Variants in NUP98 observed in about 807,000 individuals in gnomAD.
NUP98 encodes the protein nucleoporin 98 and 96 precursor.
In NUP98, 26 loss-of-function variants were observed where a neutral mutation model predicts 191.9. The observed-to-expected ratio is 0.14, with a 90% confidence interval of 0.10 to 0.19. The LOEUF (loss-of-function observed/expected upper bound fraction) is 0.19. NUP98 is among the 10% of genes least tolerant of loss of function. The pLI, the probability that NUP98 is intolerant of heterozygous loss-of-function variation, is 1.00. For missense variants in NUP98, 1,941 were observed against 2,178.8 expected (o/e 0.89, Z 2.17); for synonymous variants, 808 against 778.4 (o/e 1.04, Z -0.63).
At chr11:3,703,269 TGCAGTG>T (rs2078765668) in intron 22 of NUP98, among the ~76,000 whole-genome samples, 1 of 149,442 alleles carries the variant, frequency 6.7e-6, no homozygotes, top group African/African-American at 2.5e-5. Context: ...CAGGCTAGAG[TGCAGTG>T]GCATGATCTT....
At position 3,705,313 on chromosome 11, in the gene NUP98, A is replaced by G. The variant is rs777671445; in HGVS notation, c.2969T>C (p.Met990Thr). The change falls in exon 22 of 33, where the codon ATG (methionine) becomes ACG (threonine). Residue 990 changes from methionine to threonine, a missense_variant. Around this residue, in one of 6 missense-constraint regions of NUP98, gnomAD observed 1,030 missense variants for 1,115.8 expected, o/e 0.92. Coordinates refer to ENST00000324932, the MANE Select transcript of NUP98 (RefSeq NM_016320.5). ...GCGACTGAAGCGTTGATCCAGTGCC[A>G]TATCTACATCTTCTTCATCAGTAAG... ...SLLTDEEDVD[M>T]ALDQRFSRLP... The G allele has an allele frequency of 3.7e-6, 6 of 1,614,230 alleles. No homozygotes were observed. Among genetic ancestry groups the G allele is most frequent in the South Asian group, 1.1e-5 (1 of 91,084 alleles).
At chr11:3,767,996 G>T (rs2081395609) in intron 8 of NUP98, among the ~76,000 whole-genome samples, 1 of 152,048 alleles carries the variant, frequency 6.6e-6, no homozygotes, top group South Asian at 2.1e-4. Context: ...AGAGGGCCAA[G>T]TCCAGCCCAC....
At chr11:3,691,306 A>G (rs1271455514) in intron 28 of NUP98, 41 bp downstream of exon 28, 2 of 1,613,012 alleles carry the variant, frequency 1.2e-6, no homozygotes, top group Non-Finnish European at 1.7e-6. Context: ...CCTGGGGCTC[A>G]TGGAGCACTC....
At chr11:3,773,998 G>A (rs1416452853) in intron 5 of NUP98, among the ~76,000 whole-genome samples, 1 of 152,014 alleles carries the variant, frequency 6.6e-6, no homozygotes, top group Non-Finnish European at 1.5e-5. Context: ...CCAATTACAT[G>A]GTAAAATACA....
intron 1 of NUP98, among the ~76,000 whole-genome samples, chr11:3,788,925 TAAC>T (rs1172820463): frequency 3.3e-5 from 5 of 149,898 alleles, no homozygotes; most frequent in African/African-American, 9.7e-5. Flanking sequence ...CCAGCCTGGA[TAAC>T]AACAGTGAAA....
intron 10 of NUP98, among the ~76,000 whole-genome samples, chr11:3,757,525 G>A (rs565836303): frequency 2.0e-5 from 3 of 151,912 alleles, no homozygotes; most frequent in Non-Finnish European, 4.4e-5. Flanking sequence ...AATGCCGAGC[G>A]TGGTGGTTCA....
At chr11:3,694,075 A>G (rs1381007293) in intron 26 of NUP98, among the ~76,000 whole-genome samples, 1 of 129,762 alleles carries the variant, frequency 7.7e-6, no homozygotes, top group African/African-American at 3.4e-5. Flanking sequence ...TATTAAAAAT[A>G]CAAAAAAAAA....
Position 3,700,581 on chromosome 11 carries a change from C to G in NUP98, c.3742+29G>C. On this transcript the variant is annotated intron_variant, in intron 24 of 32. Coordinates refer to ENST00000324932, the MANE Select transcript of NUP98 (RefSeq NM_016320.5). ...GCTACCACCACTATTATTGGGACATCAAACATTAGAAACATAGTGTGTACT... is the reference window on the plus strand; with the variant it reads ...GCTACCACCACTATTATTGGGACATGAAACATTAGAAACATAGTGTGTACT... The G allele has an allele frequency of 2.7e-6, 4 of 1,501,158 alleles. No homozygotes were observed. In the South Asian group the frequency reaches 4.6e-5, roughly 17 times the overall value. 93.0% of individuals were successfully genotyped at this position (1,501,158 alleles called of 1,614,324 possible). A position where few individuals can be genotyped will look rare whatever the true frequency, so the allele number is the denominator to read the frequency against.
At chr11:3,758,399 A>G (rs1176838289) in intron 10 of NUP98, among the ~76,000 whole-genome samples, 1 of 152,210 alleles carries the variant, frequency 6.6e-6, no homozygotes, top group Non-Finnish European at 1.5e-5. Flanking sequence ...AATAGTCTAC[A>G]AACGGTCCAT....
chr11:3,681,008 A>G (rs1459491500), intron 30 of NUP98, among the ~76,000 whole-genome samples: 1 of 152,080 alleles, frequency 6.6e-6, no homozygotes, highest in Non-Finnish European at 1.5e-5. Flanking sequence ...TTACAGGAAC[A>G]TAACACCATG....
Position 3,686,119 on chromosome 11 carries a change from G to C in NUP98, c.4530C>G (p.His1510Gln), listed in dbSNP as rs1284074816. 9 of 1,614,120 alleles carry C rather than the reference G, an allele frequency of 5.6e-6. No individual in the cohort carries two copies. The highest frequency in any genetic ancestry group is 1.1e-5 in the South Asian group (1 of 91,094). Residue 1510 changes from histidine (H) to glutamine (Q), a missense_variant, in exon 29 of 33, where the codon CAC becomes CAG. Coordinates refer to ENST00000324932, the MANE Select transcript of NUP98 (RefSeq NM_016320.5). ...ADPLDYRLSW[H>Q]LWEVLRALNY... is the part of the protein sequence containing the mutation. ...TAAGAGCCCTCAGCACTTCCCACAA[G>C]TGCCAGCTTAGGCGGTAGTCCAAAG...
At chr11:3,740,683 G>C (rs1234430584) in intron 12 of NUP98, among the ~76,000 whole-genome samples, 1 of 151,888 alleles carries the variant, frequency 6.6e-6, no homozygotes, top group Non-Finnish European at 1.5e-5. Context: ...CTAAGAATCT[G>C]ACATTCTAAC....
chr11:3,712,211 C>T (rs561745761), intron 20 of NUP98: 1 of 1,087,100 alleles, frequency 9.2e-7, no homozygotes, highest in Non-Finnish European at 1.1e-6. Context: ...AACTGCACAT[C>T]AGGTAGTCAA....
intron 12 of NUP98, among the ~76,000 whole-genome samples, chr11:3,741,280 T>C (rs1250642383): frequency 1.3e-5 from 2 of 151,910 alleles, no homozygotes; most frequent in Non-Finnish European, 2.9e-5. Flanking sequence ...ACAGGTGTTG[T>C]GGTTAAAAAA....
intron 5 of NUP98, among the ~76,000 whole-genome samples, 163 bp downstream of exon 5, chr11:3,775,719 A>G (rs1325628876): frequency 6.6e-6 from 1 of 152,192 alleles, no homozygotes; most frequent in African/African-American, 2.4e-5. Flanking sequence ...ACATTTCACA[A>G]GTGTTCCTGT....
intron 11 of NUP98, among the ~76,000 whole-genome samples, chr11:3,750,553 C>T (rs886908808): frequency 3.9e-5 from 6 of 152,068 alleles, no homozygotes; most frequent in African/African-American, 1.2e-4. Context: ...CACTGAGATC[C>T]GAAACACATA....
At chr11:3,677,207 C>G (rs908987807) in intron 31 of NUP98, among the ~76,000 whole-genome samples, 11 of 152,246 alleles carry the variant, frequency 7.2e-5, no homozygotes, top group African/African-American at 2.6e-4. Context: ...CTACTTGAGA[C>G]TGGAGGACCA....
At chr11:3,732,090 T>C (rs1057259414) in intron 13 of NUP98, among the ~76,000 whole-genome samples, 1 of 152,150 alleles carries the variant, frequency 6.6e-6, no homozygotes, top group Non-Finnish European at 1.5e-5. Flanking sequence ...ATCAAGATAA[T>C]GAATCTGTTA....
chr11:3,758,287 C>T (rs2081047604), intron 10 of NUP98, among the ~76,000 whole-genome samples: 2 of 150,846 alleles, frequency 1.3e-5, no homozygotes, highest in South Asian at 4.2e-4. Context: ...GGCCACTGCA[C>T]TCCCGCCTGG....
Sources: gnomAD v4.1 joint callset for allele counts (sites outside exome capture counted in the v4.1 genomes callset) on GRCh38, gnomAD v4.1.1 for gene constraint, gnomAD v4.1.1 regional missense constraint, MANE v1.5 for transcripts, NCBI Gene and HGNC (gene_info 2026-07-23, HGNC 2026-07-21) for gene names.